POLN: variants seen among roughly 807,000 people sequenced by gnomAD.
POLN encodes the protein DNA polymerase nu.
In POLN, 108 loss-of-function variants were observed where a neutral mutation model predicts 113.5. The observed-to-expected ratio is 0.95, with a 90% CI of 0.81 to 1.12. The LOEUF is 1.12. Ranked by LOEUF, POLN falls within the 50% of genes most tolerant of loss-of-function variation. The pLI is 0.00. For synonymous variants in POLN, 386 were observed against 391.5 expected, an observed-to-expected ratio of 0.99 and a Z score of 0.17; for missense variants, 1,097 against 1,077.1, an observed-to-expected ratio of 1.02 and a Z score of -0.26.
At chr4:2,101,146 A>G (rs1730913095) in intron 19 of POLN, among the ~76,000 whole-genome samples, 2 of 152,004 alleles carry the variant, frequency 1.3e-5, no homozygotes, top group African/African-American at 4.8e-5. Flanking sequence ...ATGCCTAAAC[A>G]TGAAAAAAAA....
At chr4:2,094,368 A>AAAAAAAAAAAAAAG (rs1392549548) in intron 20 of POLN, among the ~76,000 whole-genome samples, 1 of 149,018 alleles carries the variant, frequency 6.7e-6, no homozygotes, top group African/African-American at 2.5e-5. Flanking sequence ...GTCTCCAAAA[A>AAAAAAAAAAAAAAG]AAAAAAAGAA....
At chr4:2,081,785 G>A (rs1233707601) in intron 21 of POLN, 42 bp from the exon 22 acceptor site, 1 of 1,560,906 alleles carries the variant, frequency 6.4e-7, no homozygotes, top group Admixed American at 1.7e-5. Flanking sequence ...ACAGAAACAG[G>A]CACCACAGCA....
At chr4:2,205,050 C>A (rs1431717392) in intron 5 of POLN, among the ~76,000 whole-genome samples, 2 of 152,226 alleles carry the variant, frequency 1.3e-5, no homozygotes, top group East Asian at 3.8e-4. Flanking sequence ...TGCCCACTCT[C>A]ACGACTTCCT....
At chr4:2,213,508 A>G (rs1386889903) in intron 3 of POLN, among the ~76,000 whole-genome samples, 1 of 152,232 alleles carries the variant, frequency 6.6e-6, no homozygotes, top group Non-Finnish European at 1.5e-5. Flanking sequence ...GTTCAGTAAA[A>G]CATCATTAAA....
intron 4 of POLN, 99 bp from the exon 5 acceptor site, chr4:2,208,586 G>A: frequency 4.2e-6 from 4 of 958,440 alleles, no homozygotes; most frequent in Non-Finnish European, 4.4e-6. Flanking sequence ...AGGTAATATG[G>A]AGACACAATC....
rs1482781382 is a variant in POLN at position 2,128,194 on chromosome 4, T to C, written c.1901A>G (p.His634Arg). 3.1e-6 allele frequency: 5 copies of C among 1,611,284 alleles called. No individual in the cohort carries two copies. Among genetic ancestry groups the C allele is most frequent in the Non-Finnish European group, 4.2e-6 (5 of 1,177,774 alleles). ...FSQIELRILT[H>R]LSGDPELLKL... ...CAGAAGTTCCGGATCTCCAGATAAA[T>C]GTGTAAGAATGCGCAATTCAATCTG... The change falls in exon 19 of 26, where the codon CAT becomes CGT. Residue 634 changes from histidine to arginine, a missense_variant. Coordinates refer to ENST00000511885, the MANE Select transcript of POLN (RefSeq NM_181808.4).
intron 20 of POLN, among the ~76,000 whole-genome samples, chr4:2,087,362 T>C (rs1730573062): frequency 6.6e-6 from 1 of 152,226 alleles, no homozygotes; most frequent in African/African-American, 2.4e-5. Flanking sequence ...GTGCCTCAGC[T>C]ATGGCACTGC....
At chr4:2,172,213 C>G (rs1269889789) in intron 11 of POLN, among the ~76,000 whole-genome samples, 1 of 152,156 alleles carries the variant, frequency 6.6e-6, no homozygotes, top group African/African-American at 2.4e-5. Context: ...CCTGCATGAC[C>G]TGAAATGCTG....
chr4:2,121,542 A>G (rs1274808111), intron 19 of POLN, among the ~76,000 whole-genome samples: 1 of 151,738 alleles, frequency 6.6e-6, no homozygotes, highest in African/African-American at 2.4e-5. Context: ...TTAAATAGTT[A>G]TAGGAATATT....
In POLN at chr4:2,093,646, C is replaced by T. The variant is rs1398871009; in HGVS notation, c.2065+2205G>A. 1.3e-5 allele frequency among the ~76,000 whole-genome samples: 2 copies of T among 152,116 alleles called. No individual in the cohort carries two copies. The highest frequency in any genetic ancestry group is 4.8e-5 in the African/African-American group (2 of 41,422). ...GGCAACAAACTCTCATATAATTTGG[C>T]AGAGTGATGCCTTCCCCCAAGACAG... On this transcript the variant is annotated intron_variant, in intron 20 of 25. Transcript: ENST00000511885. The surrounding 1 kb of genome is among the most constrained non-coding windows in gnomAD (Gnocchi z 4.1).
intron 24 of POLN, among the ~76,000 whole-genome samples, chr4:2,074,993 C>G (rs529760180): frequency 1.3e-5 from 2 of 152,234 alleles, no homozygotes; most frequent in Admixed American, 6.5e-5. Flanking sequence ...AGGAGGGCAC[C>G]CAGGCCTGAA....
chr4:2,078,347 T>G (rs2108687832), intron 23 of POLN: 1 of 157,598 alleles, frequency 6.3e-6, no homozygotes, highest in African/African-American at 2.4e-5. Flanking sequence ...TTTTAGGATC[T>G]GGACCAAGAG....
chr4:2,083,361 G>A (rs1192160108), intron 21 of POLN, among the ~76,000 whole-genome samples: 1 of 152,158 alleles, frequency 6.6e-6, no homozygotes, highest in Non-Finnish European at 1.5e-5. Flanking sequence ...CAGACACAGG[G>A]CGTTCTTAGG....
At chr4:2,113,204 G>A (rs1240351655) in intron 19 of POLN, among the ~76,000 whole-genome samples, 4 of 137,670 alleles carry the variant, frequency 2.9e-5, no homozygotes, top group Non-Finnish European at 6.1e-5. Flanking sequence ...CATGGACACA[G>A]GAAGGGGAAC....
chr4:2,132,547 C>T (rs1350038148), intron 16 of POLN, among the ~76,000 whole-genome samples: 1 of 152,162 alleles, frequency 6.6e-6, no homozygotes, highest in Non-Finnish European at 1.5e-5. Flanking sequence ...ACATCATAAT[C>T]AAACTGCTGA....
At chr4:2,190,048 A>T (rs1733401083) in intron 7 of POLN, among the ~76,000 whole-genome samples, 1 of 151,444 alleles carries the variant, frequency 6.6e-6, no homozygotes, top group African/African-American at 2.4e-5. Context: ...AAAAAGAAAT[A>T]GGACAAAAAT....
At position 2,073,123 on chromosome 4, in the gene POLN, C is replaced by T. The variant is rs1254419804; in HGVS notation, c.2456-94G>A. 7 of 1,253,496 alleles carry T rather than the reference C, an allele frequency of 5.6e-6. No homozygotes were observed. In the East Asian group the frequency reaches 1.4e-4, roughly 26 times the overall value. The allele number at this position is 1,253,496 out of a possible 1,614,324, so 77.6% of individuals were successfully genotyped here. On this transcript the variant is annotated intron_variant, in intron 24 of 25. Coordinates refer to ENST00000511885, the MANE Select transcript of POLN (RefSeq NM_181808.4). ...AGAACTTTCAGGCCCGAGTCCTGCC[C>T]CGGCCCCTGAGCCCCCTTGTTTCCT...
chr4:2,183,847 A>G (rs1394069439), intron 7 of POLN, among the ~76,000 whole-genome samples: 1 of 152,144 alleles, frequency 6.6e-6, no homozygotes, highest in Non-Finnish European at 1.5e-5. Flanking sequence ...GCTATTTTTT[A>G]AAGCTATACC....
At chr4:2,172,575 C>G (rs556077763) in intron 11 of POLN, among the ~76,000 whole-genome samples, 4 of 152,300 alleles carry the variant, frequency 2.6e-5, no homozygotes, top group African/African-American at 9.6e-5. Context: ...GCTCTTTCAC[C>G]TCTTCTTGGT....
Sources: gnomAD v4.1 joint callset for allele counts (sites outside exome capture counted in the v4.1 genomes callset) on GRCh38, gnomAD v4.1.1 for gene constraint, Gnocchi (gnomAD v3.1) non-coding constraint, MANE v1.5 for transcripts, NCBI Gene and HGNC (gene_info 2026-07-23, HGNC 2026-07-21) for gene names.